GIPC2: variants seen among roughly 807,000 people sequenced by gnomAD.
The protein encoded by GIPC2 is GIPC PDZ domain containing family member 2, also known as PDZ domain-containing protein GIPC2.
GIPC2 carries 30 observed loss-of-function variants against 30.6 expected under a neutral mutation model. The observed-to-expected ratio is 0.98, with a 90% CI of 0.73 to 1.33. GIPC2 has a LOEUF of 1.33. GIPC2 is among the 40% of genes most tolerant of loss of function. GIPC2 has a pLI of 0.00. For synonymous variants in GIPC2, 167 were observed against 150.0 expected (o/e 1.11, Z -0.83); for missense variants, 414 against 390.3 (o/e 1.06, Z -0.51).
chr1:78,104,994 A>G (rs1662318278), intron 3 of GIPC2, among the ~76,000 whole-genome samples: 1 of 152,158 alleles, frequency 6.6e-6, no homozygotes, highest in Non-Finnish European at 1.5e-5. Context: ...CAAAGATACT[A>G]TGGGAGAAGA....
chr1:78,100,865 G>C (rs1261276661), intron 3 of GIPC2, among the ~76,000 whole-genome samples: 1 of 151,246 alleles, frequency 6.6e-6, no homozygotes, highest in East Asian at 1.9e-4. Flanking sequence ...GGGAGGTGGG[G>C]GTTGCAGTGA....
intron 3 of GIPC2, among the ~76,000 whole-genome samples, chr1:78,104,944 C>A (rs1662317158): frequency 6.6e-6 from 1 of 152,114 alleles, no homozygotes. Flanking sequence ...TTTTTCCTGG[C>A]CTCTTCGTAT....
At chr1:78,112,014 AC>A (rs536986706) in intron 3 of GIPC2, among the ~76,000 whole-genome samples, 164 of 152,346 alleles carry the variant, frequency 1.1e-3, no homozygotes, top group African/African-American at 3.8e-3. Flanking sequence ...TCGTGATACC[AC>A]ATTTGAAAAC....
chr1:78,050,311 C>T (rs192811443), intron 1 of GIPC2, among the ~76,000 whole-genome samples: 2 of 152,130 alleles, frequency 1.3e-5, no homozygotes, highest in Admixed American at 6.5e-5. Context: ...CAATAAAAGC[C>T]TCAGACTTAA....
intron 5 of GIPC2, among the ~76,000 whole-genome samples, chr1:78,126,516 C>T (rs1557551656): frequency 6.6e-6 from 1 of 150,480 alleles, no homozygotes; most frequent in African/African-American, 2.4e-5. Flanking sequence ...AAAACAAAAA[C>T]CAAACAAAAA....
chr1:78,106,191 C>T (rs1228896291), intron 3 of GIPC2, among the ~76,000 whole-genome samples: 7 of 147,350 alleles, frequency 4.8e-5, no homozygotes, highest in East Asian at 4.0e-4. Context: ...GCTGAGATCG[C>T]GCCACTGCAT....
intron 3 of GIPC2, among the ~76,000 whole-genome samples, chr1:78,096,493 T>G (rs74994662): frequency 2.2e-5 from 3 of 138,748 alleles, no homozygotes; most frequent in South Asian, 2.5e-4. Flanking sequence ...ATTTTTCTGT[T>G]TTTTTTTTTT....
chr1:78,053,720 G>A (rs1661237181), intron 1 of GIPC2, among the ~76,000 whole-genome samples: 1 of 145,968 alleles, frequency 6.9e-6, no homozygotes, highest in South Asian at 2.2e-4. Flanking sequence ...CAACAGCCTG[G>A]GCAACATAGT....
At chr1:78,071,352 A>G (rs1261539669) in intron 1 of GIPC2, among the ~76,000 whole-genome samples, 1 of 152,116 alleles carries the variant, frequency 6.6e-6, no homozygotes, top group African/African-American at 2.4e-5. Flanking sequence ...TTTAAAGTCT[A>G]ATTATAAATA....
intron 2 of GIPC2, chr1:78,091,823 A>C (rs1034505993): frequency 3.9e-6 from 3 of 777,338 alleles, no homozygotes; most frequent in Non-Finnish European, 7.2e-6. Context: ...TGAAGCTGAT[A>C]ATAGAAGGAT....
intron 3 of GIPC2, among the ~76,000 whole-genome samples, chr1:78,115,256 G>A (rs1662547495): frequency 6.6e-6 from 1 of 151,788 alleles, no homozygotes; most frequent in South Asian, 2.1e-4. Context: ...GACACTTTTT[G>A]AAAAGTCAGA....
intron 4 of GIPC2, among the ~76,000 whole-genome samples, chr1:78,120,067 TC>T (rs2100428820): frequency 6.6e-6 from 1 of 152,364 alleles, no homozygotes; most frequent in East Asian, 1.9e-4. Context: ...ACCCTTGCCT[TC>T]TTTCCACCTG....
chr1:78,057,420 T>C (rs1661316954), intron 1 of GIPC2, among the ~76,000 whole-genome samples: 1 of 152,204 alleles, frequency 6.6e-6, no homozygotes, highest in Non-Finnish European at 1.5e-5. Flanking sequence ...TGTACATATT[T>C]ATGGGATATG....
chr1:78,065,499 C>T (rs1243600369), intron 1 of GIPC2, among the ~76,000 whole-genome samples: 1 of 151,612 alleles, frequency 6.6e-6, no homozygotes, highest in East Asian at 1.9e-4. Flanking sequence ...AGTGCTATCC[C>T]TATTAAACTA....
chr1:78,064,794 A>G (rs61777265), intron 1 of GIPC2, among the ~76,000 whole-genome samples: 20,781 of 132,654 alleles, frequency 0.16, 1,531 homozygotes, highest in Middle Eastern at 0.31. Context: ...CCCAAGCTGG[A>G]GTGTGGTGGC....
At chr1:78,063,773 A>G (rs1661449583) in intron 1 of GIPC2, among the ~76,000 whole-genome samples, 2 of 148,720 alleles carry the variant, frequency 1.3e-5, no homozygotes, top group South Asian at 4.3e-4. Context: ...ATTTCCAGCT[A>G]CTCAGCTACT....
chr1:78,049,963 C>T (rs776560194), intron 1 of GIPC2, among the ~76,000 whole-genome samples: 1 of 136,874 alleles, frequency 7.3e-6, no homozygotes. Context: ...ACGGTGTGAT[C>T]GTGGCTCACT....
intron 1 of GIPC2, among the ~76,000 whole-genome samples, chr1:78,077,897 A>T (rs1465556562): frequency 6.6e-6 from 1 of 152,204 alleles, no homozygotes; most frequent in Non-Finnish European, 1.5e-5. Context: ...TTTAGAAACT[A>T]GTGTATCACG....
At chr1:78,098,349 G>GACCAATTTTGACTATACTT (rs1432980264) in intron 3 of GIPC2, among the ~76,000 whole-genome samples, 3 of 152,052 alleles carry the variant, frequency 2.0e-5, no homozygotes, top group African/African-American at 4.8e-5. Flanking sequence ...ATTTGGAGGG[G>GACCAATTTTGACTATACTT]ACCAATTTTG....
Sources: allele counts gnomAD v4.1 joint callset (sites outside exome capture counted in the v4.1 genomes callset), GRCh38; gene constraint gnomAD v4.1.1; transcripts MANE v1.5; gene names NCBI Gene and HGNC (gene_info 2026-07-23, HGNC 2026-07-21).